The following NGLY1 variants were observed in gnomAD, a reference collection of about 807,000 sequenced individuals.
The protein encoded by NGLY1 is peptide-N(4)-(N-acetyl-beta-glucosaminyl)asparagine amidase.
Under a neutral mutation model 84.6 loss-of-function variants are expected in NGLY1, and 68 were observed. The observed-to-expected ratio is 0.80, with a 90% confidence interval of 0.66 to 0.98. The LOEUF (loss-of-function observed/expected upper bound fraction) is 0.98. NGLY1 is among the 50% of genes least tolerant of loss of function. The pLI is 0.00. For missense variants in NGLY1, 779 were observed against 770.2 expected (o/e 1.01, Z -0.14); for synonymous variants, 280 against 275.2 (o/e 1.02, Z -0.17).
At chr3:25,732,890 G>A (rs2125467217) in intron 8 of NGLY1, among the ~76,000 whole-genome samples, 1 of 152,282 alleles carries the variant, frequency 6.6e-6, no homozygotes, top group Middle Eastern at 3.4e-3. Context: ...AGCTGTAAAG[G>A]CAGCCAGAAC....
chr3:25,734,551 A>G (rs980463214), intron 7 of NGLY1: 2 of 154,204 alleles, frequency 1.3e-5, no homozygotes, highest in African/African-American at 4.8e-5. Flanking sequence ...GAAAAAAAAC[A>G]AACAAAAAAA....
At chr3:25,753,281 G>A (rs4681073) in intron 3 of NGLY1, among the ~76,000 whole-genome samples, 97,055 of 152,022 alleles carry the variant, frequency 0.64, 36,892 homozygotes, top group East Asian at 0.91. Context: ...GAAATGATTA[G>A]GAACACAGAA....
chr3:25,732,117 T>C (rs1705568417), intron 9 of NGLY1, among the ~76,000 whole-genome samples: 1 of 152,188 alleles, frequency 6.6e-6, no homozygotes, highest in Non-Finnish European at 1.5e-5. Context: ...TTAAGTCCCA[T>C]TTTAAAAATG....
chr3:25,736,306 T>C (rs757546378), intron 6 of NGLY1, 157 bp from the exon 7 acceptor site: 1 of 1,550,762 alleles, frequency 6.4e-7, no homozygotes, highest in Non-Finnish European at 8.7e-7. Context: ...GATTTTAGAA[T>C]ACCTGTATTA....
At chr3:25,745,046 C>T (rs1212392007) in intron 4 of NGLY1, among the ~76,000 whole-genome samples, 1 of 152,294 alleles carries the variant, frequency 6.6e-6, no homozygotes, top group East Asian at 1.9e-4. Flanking sequence ...ATTATGCCTA[C>T]CATACCACTT....
chr3:25,730,565 C>T (rs1308296027), intron 9 of NGLY1: 1 of 152,146 alleles, frequency 6.6e-6, no homozygotes, highest in Non-Finnish European at 1.5e-5. Context: ...ATTAAATTAG[C>T]TCTTTTTAAC....
intron 4 of NGLY1, among the ~76,000 whole-genome samples, chr3:25,740,389 G>A (rs1259860459): frequency 6.6e-6 from 1 of 152,082 alleles, no homozygotes; most frequent in Non-Finnish European, 1.5e-5. Context: ...TAACATGACA[G>A]ATAATATACC....
intron 8 of NGLY1, 47 bp from the exon 9 acceptor site, chr3:25,732,530 A>G: frequency 6.8e-7 from 1 of 1,472,156 alleles, no homozygotes; most frequent in South Asian, 1.2e-5. Flanking sequence ...AGGGGAATGT[A>G]TAGGTCCATC....
At chr3:25,757,191 GA>G (rs576260315) in intron 3 of NGLY1, among the ~76,000 whole-genome samples, 14 of 152,182 alleles carry the variant, frequency 9.2e-5, no homozygotes, top group Non-Finnish European at 1.8e-4. Context: ...AAAGGTAATA[GA>G]AAAACAGGTA....
chr3:25,783,034 C>G lies in NGLY1; in HGVS notation c.131+226G>C, dbSNP rs1198735690. 2.0e-6 allele frequency: 1 copy of G among 508,556 alleles called. No homozygotes were observed. 31.5% of individuals were successfully genotyped at this position (508,556 alleles called of 1,614,324 possible). A position where few individuals can be genotyped will look rare whatever the true frequency, so the allele number is the denominator to read the frequency against. On this transcript the variant is annotated intron_variant, in intron 1 of 11. Transcript: ENST00000280700. The surrounding 1 kb of genome is among the most constrained non-coding windows in gnomAD (Gnocchi z 4.5). ...CACCCTGACTGCAGGTGCCAAGTCA[C>G]AACTGCAAAGAAACTTCCTTTTCTC...
chr3:25,779,584 C>G (rs1708317404), intron 1 of NGLY1, among the ~76,000 whole-genome samples: 1 of 149,350 alleles, frequency 6.7e-6, no homozygotes, highest in Admixed American at 6.6e-5. Flanking sequence ...AGATGTACTT[C>G]CATAAGAAGC....
chr3:25,773,237 G>T (rs1006507692), intron 2 of NGLY1, among the ~76,000 whole-genome samples: 1 of 152,086 alleles, frequency 6.6e-6, no homozygotes, highest in Non-Finnish European at 1.5e-5. Context: ...CAAACTTTTA[G>T]ATGTATTTTC....
chr3:25,729,275 G>T lies in NGLY1; in HGVS notation c.1469C>A (p.Ser490Tyr). 1 of 1,489,552 alleles carries T rather than the reference G, an allele frequency of 6.7e-7. No homozygotes were observed. Among genetic ancestry groups the T allele is most frequent in the Non-Finnish European group, 9.0e-7 (1 of 1,110,744 alleles). The allele number at this position is 1,489,552 out of a possible 1,614,324, so 92.3% of individuals were successfully genotyped here. A position where few individuals can be genotyped will look rare whatever the true frequency, so the allele number is the denominator to read the frequency against. ...ATTGTAACAAAGGTGGAGCTGTTTA[G>T]AAATCTTCTCATTTTCACAGGGAAT... ...LFIPCENEKI[S>Y]KQLHLCYNIV... Residue 490 changes from serine (S) to tyrosine (Y), a missense_variant, in exon 10 of 12, where the codon TCT (serine) becomes TAT (tyrosine). Transcript: ENST00000280700.
intron 4 of NGLY1, chr3:25,749,423 A>T: frequency 1.1e-6 from 1 of 920,240 alleles, no homozygotes. Flanking sequence ...CACCTTAAAA[A>T]GGAAGGAAGC....
intron 4 of NGLY1, among the ~76,000 whole-genome samples, chr3:25,750,593 T>C (rs1252976393): frequency 6.6e-6 from 1 of 152,076 alleles, no homozygotes; most frequent in Non-Finnish European, 1.5e-5. Flanking sequence ...TTAATAACAC[T>C]GAAATGTACA....
intron 10 of NGLY1, among the ~76,000 whole-genome samples, chr3:25,723,583 A>AC (rs1705113493): frequency 6.6e-6 from 1 of 151,558 alleles, no homozygotes; most frequent in South Asian, 2.1e-4. Context: ...CTCTGATCCC[A>AC]CTATGTATAA....
intron 1 of NGLY1, chr3:25,789,677 A>C (rs1708679126): frequency 1.4e-6 from 1 of 728,514 alleles, no homozygotes; most frequent in Non-Finnish European, 2.2e-6. Context: ...GGTTAATTCC[A>C]CTTTACTCAC....
chr3:25,752,019 G>A (rs1259243349), intron 3 of NGLY1, among the ~76,000 whole-genome samples: 1 of 152,192 alleles, frequency 6.6e-6, no homozygotes, highest in East Asian at 1.9e-4. Context: ...AGCAAATGCA[G>A]TATTCACAGA....
upstream of NGLY1, among the ~76,000 whole-genome samples, chr3:25,787,421 C>T (rs767884182): frequency 5.9e-5 from 9 of 152,200 alleles, no homozygotes; most frequent in Non-Finnish European, 1.2e-4. Context: ...ATCCTTCCAA[C>T]CCACCCTGCT....
Sources: gnomAD v4.1 joint callset for allele counts (sites outside exome capture counted in the v4.1 genomes callset) on GRCh38, gnomAD v4.1.1 for gene constraint, Gnocchi (gnomAD v3.1) non-coding constraint, MANE v1.5 for transcripts, NCBI Gene and HGNC (gene_info 2026-07-23, HGNC 2026-07-21) for gene names.